The following LACTB2 variants were observed in gnomAD, a reference collection of about 807,000 sequenced individuals.
LACTB2 encodes the protein lactamase beta 2.
A neutral mutation model predicts 34.8 loss-of-function variants in LACTB2; 32 were observed. The ratio of observed to expected loss-of-function variants is 0.92; its 90% CI spans 0.69 to 1.24. LACTB2 has a LOEUF of 1.24. Ranked by LOEUF, LACTB2 falls within the 50% of genes most tolerant of loss-of-function variation. LACTB2 has a pLI of 0.00. For synonymous variants in LACTB2, 120 were observed against 117.5 expected, an observed-to-expected ratio of 1.02 and a Z score of -0.14; for missense variants, 320 against 345.0, an observed-to-expected ratio of 0.93 and a Z score of 0.57.
Position 70,638,581 on chromosome 8 carries a change from G to A in LACTB2, c.790C>T (p.His264Tyr), listed in dbSNP as rs1163656112. Residue 264 changes from histidine (H) to tyrosine (Y), a missense_variant, in exon 6 of 7, where the codon CAT (histidine) becomes TAT (tyrosine). Physicochemically the swap from His to Tyr is moderately conservative, Grantham distance 83. Coordinates refer to ENST00000276590, the MANE Select transcript of LACTB2 (RefSeq NM_016027.3). ...HEMAKHNLLL[H>Y]LKKLEKEGKI... The stretch of plus-strand genomic sequence containing the variant: ...CCTTCTTTTTCTAGTTTTTTCAAAT[G>A]AAGTAAGAGATTATGTTTAGCCATT... The A allele has an allele frequency of 2.0e-6, 3 of 1,511,692 alleles. No homozygotes were observed. The highest frequency in any genetic ancestry group is 2.5e-5 in the East Asian group (1 of 40,118). The allele number at this position is 1,511,692 out of a possible 1,614,324, so 93.6% of individuals were successfully genotyped here. A position where few individuals can be genotyped will look rare whatever the true frequency, so the allele number is the denominator to read the frequency against.
In LACTB2 at chr8:70,637,798, T is replaced by C. The variant is rs1818142012; in HGVS notation, c.*62A>G. On this transcript the variant is annotated 3_prime_UTR_variant, in exon 7 of 7. Coordinates refer to ENST00000276590, the MANE Select transcript of LACTB2 (RefSeq NM_016027.3). Reference sequence around the variant, plus strand: ...TTTATATTCTCTATAAAATAACCTATAGTTAAGAAAACATACCATTCTCTG... The same window carrying C: ...TTTATATTCTCTATAAAATAACCTACAGTTAAGAAAACATACCATTCTCTG... 2 of 973,646 alleles carry C rather than the reference T, an allele frequency of 2.1e-6. No individual in the cohort carries two copies. The highest frequency in any genetic ancestry group is 1.7e-5 in the African/African-American group (1 of 59,568). 60.3% of individuals were successfully genotyped at this position (973,646 alleles called of 1,614,324 possible). A position where few individuals can be genotyped will look rare whatever the true frequency, so the allele number is the denominator to read the frequency against.
intron 3 of LACTB2, among the ~76,000 whole-genome samples, chr8:70,655,445 C>T (rs2132076805): frequency 6.6e-6 from 1 of 152,260 alleles, no homozygotes; most frequent in African/African-American, 2.4e-5. Context: ...TGGTCTCAAA[C>T]TCCTGACCTC....
chr8:70,643,170 T>C (rs1818220549), intron 4 of LACTB2, among the ~76,000 whole-genome samples: 1 of 151,750 alleles, frequency 6.6e-6, no homozygotes, highest in Non-Finnish European at 1.5e-5. Flanking sequence ...TCTTTAAGTT[T>C]AACTGCACAG....
chr8:70,665,849 T>C (rs1427376291), intron 1 of LACTB2, among the ~76,000 whole-genome samples: 1 of 152,190 alleles, frequency 6.6e-6, no homozygotes, highest in African/African-American at 2.4e-5. Flanking sequence ...TATGTACAAT[T>C]TTGATAGGAA....
At chr8:70,640,253 G>A (rs992742793) in intron 5 of LACTB2, among the ~76,000 whole-genome samples, 18 of 152,098 alleles carry the variant, frequency 1.2e-4, no homozygotes, top group African/African-American at 3.6e-4. Context: ...GAGCCACCAC[G>A]CCTGGCCACA....
At position 70,640,956 on chromosome 8, in the gene LACTB2, A is replaced by G; in HGVS notation, c.687T>C (p.Arg229=). 6.2e-7 allele frequency: 1 copy of G among 1,608,904 alleles called. No homozygotes were observed. Among genetic ancestry groups the G allele is most frequent in the Non-Finnish European group, 8.5e-7 (1 of 1,178,378 alleles). ...CTGTAAATGATTTCTCAAAGTTCTC[A>G]CGAAATAATGTAAGAATTTGCTGCT... The part of the protein sequence containing the change: ...IREQQILTLF[R]ENFEKSFTVM... The change falls in exon 5 of 7, where the codon CGT becomes CGC. Residue 229 remains arginine (R), a synonymous_variant. Transcript: ENST00000276590.
At chr8:70,658,196 C>G (rs7830550) in intron 2 of LACTB2, among the ~76,000 whole-genome samples, 61,159 of 151,700 alleles carry the variant, frequency 0.4, 13,807 homozygotes, top group Non-Finnish European at 0.52. Context: ...TGAAGAGGCA[C>G]TAATACAGAA....
chr8:70,649,019 A>G (rs1014549063), intron 3 of LACTB2, among the ~76,000 whole-genome samples: 6 of 152,232 alleles, frequency 3.9e-5, no homozygotes, highest in Non-Finnish European at 5.9e-5. Flanking sequence ...AACCTTGCAG[A>G]CAATACTGAG....
chr8:70,660,842 A>C (rs1458316017), intron 2 of LACTB2: 3 of 456,032 alleles, frequency 6.6e-6, no homozygotes, highest in African/African-American at 6.0e-5. Flanking sequence ...CAGTGGCACA[A>C]TATTGGCTTA....
rs761626113 is a variant in LACTB2 at position 70,661,812 on chromosome 8, T to C, written c.208A>G (p.Ile70Val). ...KQALTEFNTA[I>V]QEIVVTHWHR... ...CAGTGAGTCACTACAATTTCCTGGA[T>C]TGCTGTGTTAAATTCAGTTAGAGCC... Residue 70 changes from isoleucine (I) to valine (V), a missense_variant, in exon 2 of 7, where the codon ATC becomes GTC. By Grantham distance (29) the Ile-to-Val change is conservative. Coordinates refer to ENST00000276590, the MANE Select transcript of LACTB2 (RefSeq NM_016027.3). 4.3e-6 allele frequency: 7 copies of C among 1,613,920 alleles called. No homozygotes were observed. Among genetic ancestry groups the C allele is most frequent in the Middle Eastern group, 1.7e-4 (1 of 6,060 alleles).
At chr8:70,640,705 C>G (rs1309403552) in intron 5 of LACTB2, 197 bp downstream of exon 5, 3 of 485,950 alleles carry the variant, frequency 6.2e-6, no homozygotes, top group East Asian at 9.6e-5. Flanking sequence ...AATGATGGCT[C>G]GAAATGGCTA....
At chr8:70,661,615 A>G (rs2132080132) in intron 2 of LACTB2, 119 bp downstream of exon 2, 1 of 805,986 alleles carries the variant, frequency 1.2e-6, no homozygotes, top group South Asian at 2.0e-5. Context: ...TTCTAAAAGT[A>G]CCATTTAAAA....
intron 5 of LACTB2, 104 bp downstream of exon 5, chr8:70,640,798 C>T (rs958564862): frequency 5.3e-5 from 66 of 1,235,774 alleles, no homozygotes; most frequent in Middle Eastern, 2.9e-4. Context: ...AGAAAAGTGG[C>T]GTAACTTCTG....
intron 5 of LACTB2, among the ~76,000 whole-genome samples, 173 bp from the exon 6 acceptor site, chr8:70,638,802 G>A (rs905445155): frequency 1.2e-4 from 18 of 150,260 alleles, no homozygotes; most frequent in African/African-American, 4.4e-4. Context: ...ATGCAGTGGT[G>A]CATCTCGGCT....
At position 70,668,874 on chromosome 8, in the gene LACTB2, G is replaced by A. The variant is rs943097246; in HGVS notation, c.122+125C>T. ...GCGTGCAGTCCCGACGGGGCTGCTAGGCGCGGGGCTGCCCAGCTAGGGACA... is the reference window on the plus strand; with the variant it reads ...GCGTGCAGTCCCGACGGGGCTGCTAAGCGCGGGGCTGCCCAGCTAGGGACA... On this transcript the variant is annotated intron_variant, in intron 1 of 6. Transcript: ENST00000276590. 1.4e-5 allele frequency: 19 copies of A among 1,348,766 alleles called. No individual in the cohort carries two copies. The South Asian group carries it at 2.0e-4, about 14-fold the overall frequency. The allele number at this position is 1,348,766 out of a possible 1,614,324, so 83.5% of individuals were successfully genotyped here.
At chr8:70,638,674 A>T (rs775497270) in intron 5 of LACTB2, 45 bp from the exon 6 acceptor site, 1 of 1,329,426 alleles carries the variant, frequency 7.5e-7, no homozygotes, top group Non-Finnish European at 1.0e-6. Context: ...TTTTTTAAAA[A>T]AAAGAACACA....
At chr8:70,657,651 G>C (rs114025231) in intron 3 of LACTB2, 105 bp downstream of exon 3, 1 of 1,121,116 alleles carries the variant, frequency 8.9e-7, no homozygotes, top group Admixed American at 2.8e-5. Flanking sequence ...GGGCTCAAAC[G>C]ATCTTCCCAT....
At chr8:70,641,102 G>T in intron 4 of LACTB2, 52 bp from the exon 5 acceptor site, 1 of 1,449,632 alleles carries the variant, frequency 6.9e-7, no homozygotes. Context: ...AAAATACTAA[G>T]TACAACAGAA....
chr8:70,639,947 A>G (rs1032623388), intron 5 of LACTB2, among the ~76,000 whole-genome samples: 3 of 150,364 alleles, frequency 2.0e-5, no homozygotes, highest in Non-Finnish European at 4.4e-5. Flanking sequence ...GGGCAACAAG[A>G]GCAAAACTCC....
Sources: allele counts gnomAD v4.1 joint callset (sites outside exome capture counted in the v4.1 genomes callset), GRCh38; gene constraint gnomAD v4.1.1; transcripts MANE v1.5; gene names NCBI Gene and HGNC (gene_info 2026-07-23, HGNC 2026-07-21).